Variants in HMGCLL1 observed in about 807,000 individuals in gnomAD.
HMGCLL1 encodes 3-hydroxy-3-methylglutaryl-CoA lyase like 1.
Under a neutral mutation model 39.1 loss-of-function variants are expected in HMGCLL1, and 36 were observed. The observed-to-expected ratio is 0.92, with a 90% CI of 0.71 to 1.22. The LOEUF is 1.22. Among genes scored for constraint, HMGCLL1 ranks in the 50% most tolerant of loss-of-function variants. HMGCLL1 has a pLI of 0.00. For synonymous variants in HMGCLL1, 149 were observed against 144.0 expected (o/e 1.03, Z -0.25); for missense variants, 451 against 416.5 (o/e 1.08, Z -0.72).
chr6:55,565,662 T>C (rs961390990), intron 1 of HMGCLL1, among the ~76,000 whole-genome samples: 1 of 152,132 alleles, frequency 6.6e-6, no homozygotes, highest in Non-Finnish European at 1.5e-5. Context: ...TCCAGCTCTC[T>C]AGAGATGAGT....
chr6:55,510,397 A>T (rs62405364), intron 5 of HMGCLL1, among the ~76,000 whole-genome samples: 9,032 of 151,462 alleles, frequency 0.06, 302 homozygotes, highest in East Asian at 0.16. Flanking sequence ...AACCCAAATG[A>T]CCAACAATGA....
intron 7 of HMGCLL1, among the ~76,000 whole-genome samples, chr6:55,448,636 A>G (rs1006044013): frequency 2.0e-5 from 3 of 152,084 alleles, no homozygotes; most frequent in African/African-American, 7.2e-5. Flanking sequence ...CAAATTCTGT[A>G]GATGATTCTT....
chr6:55,605,270 C>T, the HMGCLL1 span, among the ~76,000 whole-genome samples: 2 of 152,188 alleles, frequency 1.3e-5, no homozygotes, highest in East Asian at 1.9e-4. Context: ...GTTAGGCTTA[C>T]GTTACACTCC....
the HMGCLL1 span, among the ~76,000 whole-genome samples, chr6:55,615,435 C>T: frequency 6.6e-6 from 1 of 152,054 alleles, no homozygotes; most frequent in Non-Finnish European, 1.5e-5. Context: ...GCACCTTGTG[C>T]CTCTATAAAA....
chr6:55,668,960 C>T, the HMGCLL1 span, among the ~76,000 whole-genome samples: 1 of 151,576 alleles, frequency 6.6e-6, no homozygotes, highest in Non-Finnish European at 1.5e-5. Flanking sequence ...AGGGTGAGGA[C>T]TAACCCATTT....
chr6:55,578,796 G>GTAA, intron 1 of HMGCLL1, 152 bp downstream of exon 1: 2 of 639,370 alleles, frequency 3.1e-6, no homozygotes, highest in Non-Finnish European at 5.7e-6. Context: ...ACCGTTTAAG[G>GTAA]GGTGCGGCCT....
chr6:55,469,845 G>C (rs1222268223), intron 7 of HMGCLL1, among the ~76,000 whole-genome samples: 3 of 151,848 alleles, frequency 2.0e-5, no homozygotes, highest in Admixed American at 6.6e-5. Flanking sequence ...TTTACAACTA[G>C]ATCTGGAGGT....
intron 7 of HMGCLL1, among the ~76,000 whole-genome samples, chr6:55,489,762 CTAATT>C (rs1315912655): frequency 6.6e-6 from 1 of 151,920 alleles, no homozygotes; most frequent in Non-Finnish European, 1.5e-5. Context: ...TATAATCACA[CTAATT>C]TAATTAAAAT....
At chr6:55,635,063 A>T in the HMGCLL1 span, among the ~76,000 whole-genome samples, 3 of 152,086 alleles carry the variant, frequency 2.0e-5, no homozygotes, top group Non-Finnish European at 4.4e-5. Context: ...CTTAGACAAA[A>T]CACTTAGAAC....
At chr6:55,551,477 TTC>T (rs547847771) in intron 1 of HMGCLL1, among the ~76,000 whole-genome samples, 254 of 151,892 alleles carry the variant, frequency 1.7e-3, no homozygotes, top group Non-Finnish European at 2.6e-3. Flanking sequence ...AAGTAGAAGC[TTC>T]TGAAATCTCT....
intron 7 of HMGCLL1, among the ~76,000 whole-genome samples, chr6:55,476,848 A>AAG (rs1561903623): frequency 2.7e-5 from 4 of 150,718 alleles, no homozygotes; most frequent in African/African-American, 9.8e-5. Flanking sequence ...GATCAAGGTT[A>AAG]TACTGGACTC....
At chr6:55,539,303 C>T (rs1034821717) in intron 3 of HMGCLL1, among the ~76,000 whole-genome samples, 2 of 152,098 alleles carry the variant, frequency 1.3e-5, no homozygotes, top group Non-Finnish European at 2.9e-5. Flanking sequence ...GACCTAAAGA[C>T]AGAAATGCCA....
intron 7 of HMGCLL1, among the ~76,000 whole-genome samples, chr6:55,475,202 T>C (rs1239030727): frequency 6.6e-6 from 1 of 151,604 alleles, no homozygotes; most frequent in Non-Finnish European, 1.5e-5. Context: ...GTATTGAGAA[T>C]AGGCCTTTGT....
intron 7 of HMGCLL1, among the ~76,000 whole-genome samples, chr6:55,485,344 T>C (rs927613563): frequency 2.6e-5 from 4 of 151,998 alleles, no homozygotes; most frequent in African/African-American, 9.7e-5. Context: ...TAATCATCTG[T>C]ACTCCCCTGC....
intron 7 of HMGCLL1, among the ~76,000 whole-genome samples, chr6:55,494,276 C>T (rs779993237): frequency 2.0e-5 from 3 of 152,020 alleles, no homozygotes; most frequent in Non-Finnish European, 4.4e-5. Context: ...AATGATTACT[C>T]AAAGTGTTAA....
chr6:55,545,730 C>T (rs756721906), intron 1 of HMGCLL1, among the ~76,000 whole-genome samples: 2 of 152,058 alleles, frequency 1.3e-5, no homozygotes, highest in Admixed American at 1.3e-4. Context: ...TTGAATTCTA[C>T]GTGCTTGTAT....
chr6:55,624,473 A>G, the HMGCLL1 span, among the ~76,000 whole-genome samples: 1 of 152,200 alleles, frequency 6.6e-6, no homozygotes, highest in South Asian at 2.1e-4. Context: ...AAGGCCAGCA[A>G]TATACCTTTA....
At chr6:55,443,193 G>GCTTTAA (rs1763679285) in intron 7 of HMGCLL1, among the ~76,000 whole-genome samples, 1 of 152,138 alleles carries the variant, frequency 6.6e-6, no homozygotes, top group South Asian at 2.1e-4. Context: ...GTATGGGTCA[G>GCTTTAA]CTTTAACTTT....
At chr6:55,651,124 G>A in the HMGCLL1 span, among the ~76,000 whole-genome samples, 1 of 151,998 alleles carries the variant, frequency 6.6e-6, no homozygotes, top group Non-Finnish European at 1.5e-5. Flanking sequence ...TTTCACTGTA[G>A]CCACCACACC....
Sources: allele counts gnomAD v4.1 joint callset (sites outside exome capture counted in the v4.1 genomes callset), GRCh38; gene constraint gnomAD v4.1.1; transcripts MANE v1.5; gene names NCBI Gene and HGNC (gene_info 2026-07-23, HGNC 2026-07-21).